RANBP2: variants seen among roughly 807,000 people sequenced by gnomAD.
RANBP2 encodes the protein RAN binding protein 2, also known as E3 SUMO-protein ligase RanBP2.
Under a neutral mutation model 303.6 loss-of-function variants are expected in RANBP2, and 57 were observed. The observed-to-expected ratio is 0.19, with a 90% CI of 0.15 to 0.23. The LOEUF is 0.23. Ranked by LOEUF, RANBP2 falls within the 10% of genes least tolerant of loss-of-function variation. The pLI, the probability that RANBP2 is intolerant of heterozygous loss-of-function variation, is 1.00. For synonymous variants in RANBP2, 1,167 were observed against 1,301.5 expected, an observed-to-expected ratio of 0.90 and a Z score of 2.23; for missense variants, 3,138 against 3,780.8, an observed-to-expected ratio of 0.83 and a Z score of 4.46.
the RANBP2 span, among the ~76,000 whole-genome samples, chr2:109,683,235 A>G: frequency 6.6e-6 from 1 of 152,142 alleles, no homozygotes; most frequent in South Asian, 2.1e-4. Context: ...CGAACTCCTG[A>G]CCTCAGGTGG....
chr2:108,735,976 G>T (rs1573716594), intron 5 of RANBP2, 128 bp from the exon 6 acceptor site: 13 of 1,593,400 alleles, frequency 8.2e-6, no homozygotes, highest in Middle Eastern at 2.3e-4. Context: ...GTTTTATAAG[G>T]TCGATATAAA....
the RANBP2 span, among the ~76,000 whole-genome samples, chr2:109,587,006 CAG>C: frequency 6.6e-6 from 1 of 152,004 alleles, no homozygotes; most frequent in Non-Finnish European, 1.5e-5. Flanking sequence ...AGGAAAAAAA[CAG>C]AAAAATGTGA....
the RANBP2 span, among the ~76,000 whole-genome samples, chr2:108,814,654 T>A: frequency 1.3e-5 from 2 of 151,306 alleles, no homozygotes; most frequent in Admixed American, 6.6e-5. Context: ...TTTTATTTTT[T>A]AATTTATTAA....
chr2:109,528,023 C>T, the RANBP2 span, among the ~76,000 whole-genome samples: 1 of 152,238 alleles, frequency 6.6e-6, no homozygotes, highest in Admixed American at 6.5e-5. Flanking sequence ...TGCCCATGAG[C>T]AGCTTCCAGA....
chr2:109,040,881 C>T, the RANBP2 span, among the ~76,000 whole-genome samples: 1 of 151,972 alleles, frequency 6.6e-6, no homozygotes, highest in African/African-American at 2.4e-5. Context: ...CAGTGAAACC[C>T]CGTATCTACT....
At chr2:109,189,833 G>A in the RANBP2 span, among the ~76,000 whole-genome samples, 7 of 152,146 alleles carry the variant, frequency 4.6e-5, no homozygotes, top group African/African-American at 1.4e-4. Flanking sequence ...TTCTCAAGCC[G>A]ACAGTGGCCA....
chr2:109,255,156 G>C, the RANBP2 span, among the ~76,000 whole-genome samples: 1 of 152,130 alleles, frequency 6.6e-6, no homozygotes, highest in African/African-American at 2.4e-5. Context: ...ACATGTGCAC[G>C]TGTGCAACTC....
chr2:109,116,177 T>A, the RANBP2 span, among the ~76,000 whole-genome samples: 1 of 152,246 alleles, frequency 6.6e-6, no homozygotes, highest in Non-Finnish European at 1.5e-5. Flanking sequence ...AATGTTGGTC[T>A]GCCTTGCTAG....
At chr2:109,661,896 A>G in the RANBP2 span, among the ~76,000 whole-genome samples, 1 of 152,148 alleles carries the variant, frequency 6.6e-6, no homozygotes, top group Admixed American at 6.5e-5. Context: ...ACCTTTGAGT[A>G]AGCTTGACTT....
At chr2:109,415,771 G>A in the RANBP2 span, among the ~76,000 whole-genome samples, 1 of 152,136 alleles carries the variant, frequency 6.6e-6, no homozygotes, top group Non-Finnish European at 1.5e-5. Flanking sequence ...GCCAGCCTGG[G>A]CTCCTCTAGG....
chr2:109,419,690 C>T, the RANBP2 span: 3 of 1,525,742 alleles, frequency 2.0e-6, no homozygotes, highest in African/African-American at 1.4e-5. Flanking sequence ...GCAGCCCTCC[C>T]TCCTGCCTGG....
At chr2:108,851,267 G>C in the RANBP2 span, among the ~76,000 whole-genome samples, 2 of 152,188 alleles carry the variant, frequency 1.3e-5, no homozygotes, top group East Asian at 3.9e-4. Flanking sequence ...GAAGCTCTCT[G>C]AACCCATTTC....
chr2:109,437,036 C>A, the RANBP2 span: 1 of 1,613,902 alleles, frequency 6.2e-7, no homozygotes, highest in Non-Finnish European at 8.5e-7. Context: ...CTGCCCATCA[C>A]CACTCCCCAG....
At chr2:109,711,059 C>T in the RANBP2 span, among the ~76,000 whole-genome samples, 1 of 151,880 alleles carries the variant, frequency 6.6e-6, no homozygotes, top group African/African-American at 2.4e-5. Flanking sequence ...AAGCTGGTGA[C>T]ACATTTGCGT....
the RANBP2 span, among the ~76,000 whole-genome samples, chr2:109,188,964 A>G: frequency 0.82 from 124,213 of 151,638 alleles, 50,993 homozygotes; most frequent in East Asian, 0.89. Context: ...TTTGTGAAGT[A>G]CTCTTTTCAT....
In RANBP2 at chr2:108,783,778, T is replaced by A; in HGVS notation, c.9552T>A (p.Phe3184Leu). 1.6e-5 allele frequency: 26 copies of A among 1,612,526 alleles called. No individual in the cohort carries two copies. Among genetic ancestry groups the A allele is most frequent in the Non-Finnish European group, 2.2e-5 (26 of 1,178,548 alleles). ...TGAAGAAAGCAGAACATTTGGACTT[T>A]AAGCATGTAGTATTTGGGTTTGTTA... The part of the protein sequence containing the change: ...ITLKKAEHLD[F>L]KHVVFGFVKD... Residue 3184 changes from phenylalanine to leucine, a missense_variant, in exon 29 of 29, where the codon TTT becomes TTA. Physicochemically the swap from Phe to Leu is conservative, Grantham distance 22 (BLOSUM62 0). This residue lies in a region of RANBP2 where 204 missense variants were observed against 228.4 expected (regional missense o/e 0.89). Transcript: ENST00000283195.
At chr2:109,180,273 T>C in the RANBP2 span, among the ~76,000 whole-genome samples, 1 of 152,202 alleles carries the variant, frequency 6.6e-6, no homozygotes, top group Non-Finnish European at 1.5e-5. Context: ...CAATCTCTGC[T>C]TCTCTCTGAG....
chr2:108,941,579 C>A, the RANBP2 span, among the ~76,000 whole-genome samples: 2 of 152,216 alleles, frequency 1.3e-5, no homozygotes, highest in African/African-American at 4.8e-5. Flanking sequence ...CAGCTGGGGG[C>A]ATGGCCAACA....
At chr2:109,720,294 CAT>C in the RANBP2 span, among the ~76,000 whole-genome samples, 29,811 of 150,942 alleles carry the variant, frequency 0.2, 3,060 homozygotes, top group East Asian at 0.31. Context: ...CACACACACA[CAT>C]ATATATATAT....
Sources: allele counts gnomAD v4.1 joint callset (sites outside exome capture counted in the v4.1 genomes callset), GRCh38; gene constraint gnomAD v4.1.1; regional missense constraint gnomAD v4.1.1; transcripts MANE v1.5; gene names NCBI Gene and HGNC (gene_info 2026-07-23, HGNC 2026-07-21).